Variants in AKAP19 observed in about 807,000 individuals in gnomAD.
The protein encoded by AKAP19 is A-kinase anchoring protein 19.
At chr2:190,151,847 T>C in the AKAP19 span, among the ~76,000 whole-genome samples, 1 of 147,990 alleles carries the variant, frequency 6.8e-6, no homozygotes, top group Non-Finnish European at 1.5e-5. Flanking sequence ...ACTAAAAATA[T>C]AAAAAATAAG....
the AKAP19 span, among the ~76,000 whole-genome samples, chr2:190,081,026 A>C: frequency 1.3e-5 from 2 of 152,210 alleles, no homozygotes; most frequent in African/African-American, 4.8e-5. Flanking sequence ...AAGGAAACTA[A>C]AACTATTTTA....
chr2:190,025,021 G>A, the AKAP19 span, among the ~76,000 whole-genome samples: 2 of 152,100 alleles, frequency 1.3e-5, no homozygotes, highest in Admixed American at 6.5e-5. Flanking sequence ...GCTGTTCAAG[G>A]AGGAGGTATA....
At chr2:190,099,502 C>A in the AKAP19 span, among the ~76,000 whole-genome samples, 32 of 152,098 alleles carry the variant, frequency 2.1e-4, no homozygotes, top group Middle Eastern at 3.4e-3. Context: ...AAAGTAACAT[C>A]AAAAAATCAC....
chr2:189,886,943 AAGAT>A, the AKAP19 span, among the ~76,000 whole-genome samples: 9,630 of 152,196 alleles, frequency 0.063, 427 homozygotes, highest in African/African-American at 0.13. Context: ...AGGAAGAACA[AAGAT>A]TAGTGGAGAT....
the AKAP19 span, among the ~76,000 whole-genome samples, chr2:189,998,771 C>CTTTTTTTTTTTTTTTTT: frequency 7.1e-4 from 69 of 97,534 alleles, no homozygotes; most frequent in Non-Finnish European, 9.9e-4. Context: ...TTCTTTCTTT[C>CTTTTTTTTTTTTTTTTT]TTTTTTTTTT....
At chr2:190,089,803 C>T in the AKAP19 span, among the ~76,000 whole-genome samples, 14 of 152,258 alleles carry the variant, frequency 9.2e-5, no homozygotes, top group Admixed American at 2.0e-4. Flanking sequence ...TTGAGTCTTA[C>T]GTCCTAAGTC....
chr2:190,180,521 C>G, the AKAP19 span: 1 of 985,604 alleles, frequency 1.0e-6, no homozygotes, highest in South Asian at 4.7e-5. This position sits in a 1 kb window ranked among gnomAD's most constrained non-coding sequence, Gnocchi z 6.8. Context: ...CTTCTGCTTT[C>G]ATTGACCTTT....
chr2:189,904,838 T>C, the AKAP19 span, among the ~76,000 whole-genome samples: 1 of 152,154 alleles, frequency 6.6e-6, no homozygotes, highest in African/African-American at 2.4e-5. Flanking sequence ...TTGATCTCCT[T>C]TGAACTTTAG....
chr2:190,074,089 A>C, the AKAP19 span, among the ~76,000 whole-genome samples: 6 of 152,086 alleles, frequency 3.9e-5, no homozygotes, highest in South Asian at 2.1e-4. Flanking sequence ...CCATCACCAA[A>C]GATTTAGTCT....
chr2:190,070,047 A>G, the AKAP19 span, among the ~76,000 whole-genome samples: 1 of 152,230 alleles, frequency 6.6e-6, no homozygotes, highest in Admixed American at 6.5e-5. Context: ...TTGAATTAAG[A>G]ATTTTTTTAA....
chr2:190,187,786 C>T, the AKAP19 span, among the ~76,000 whole-genome samples: 6 of 152,130 alleles, frequency 3.9e-5, no homozygotes, highest in Non-Finnish European at 5.9e-5. Flanking sequence ...CCCAGGAGTT[C>T]GAGGCTGCTG....
At chr2:189,949,549 C>T in the AKAP19 span, among the ~76,000 whole-genome samples, 1 of 142,344 alleles carries the variant, frequency 7.0e-6, no homozygotes, top group Non-Finnish European at 1.5e-5. Flanking sequence ...ATAAGTGGAT[C>T]TACACAGTTC....
the AKAP19 span, among the ~76,000 whole-genome samples, chr2:189,926,529 G>A: frequency 1.3e-5 from 2 of 148,550 alleles, no homozygotes; most frequent in African/African-American, 2.5e-5. Flanking sequence ...GTCGTGATCC[G>A]CCCGCCTCGG....
the AKAP19 span, among the ~76,000 whole-genome samples, chr2:190,169,092 C>G: frequency 4.6e-5 from 7 of 152,146 alleles, no homozygotes; most frequent in Non-Finnish European, 8.8e-5. Context: ...ATTGGACTTG[C>G]AGTTCCATGT....
At chr2:190,152,247 T>C in the AKAP19 span, among the ~76,000 whole-genome samples, 1 of 152,236 alleles carries the variant, frequency 6.6e-6, no homozygotes, top group South Asian at 2.1e-4. Flanking sequence ...TCTAATACTT[T>C]TATCATTTCA....
the AKAP19 span, among the ~76,000 whole-genome samples, chr2:190,149,104 C>A: frequency 0.93 from 140,883 of 151,586 alleles, 65,972 homozygotes; most frequent in East Asian, 1. Context: ...GCTGGGATTA[C>A]AGGCATGTGC....
the AKAP19 span, among the ~76,000 whole-genome samples, chr2:189,925,178 T>C: frequency 1.3e-4 from 20 of 152,174 alleles, no homozygotes; most frequent in Non-Finnish European, 2.1e-4. Flanking sequence ...CCTATGAACA[T>C]GTCCAACTGG....
the AKAP19 span, among the ~76,000 whole-genome samples, chr2:190,136,024 A>T: frequency 6.6e-6 from 1 of 152,206 alleles, no homozygotes; most frequent in Non-Finnish European, 1.5e-5. Context: ...GGTGAAACAA[A>T]AATTCCTGGC....
At chr2:190,038,902 T>TC in the AKAP19 span, among the ~76,000 whole-genome samples, 2 of 17,884 alleles carry the variant, frequency 1.1e-4, no homozygotes, top group Non-Finnish European at 2.5e-4. Context: ...CTTTCTTTCT[T>TC]TCTTCTTCTT....
Sources: allele counts gnomAD v4.1 joint callset (sites outside exome capture counted in the v4.1 genomes callset), GRCh38; gene constraint gnomAD v4.1.1; non-coding constraint Gnocchi (gnomAD v3.1); transcripts MANE v1.5; gene names NCBI Gene and HGNC (gene_info 2026-07-23, HGNC 2026-07-21).